Variants in UGT1A4 observed in about 807,000 individuals in gnomAD.
UGT1A4 encodes UDP-glucuronosyltransferase 1A4.
UGT1A4 carries 32 observed loss-of-function variants against 41.1 expected under a neutral mutation model. That is an observed-to-expected ratio of 0.78 (90% CI 0.59 to 1.05). UGT1A4 has a LOEUF of 1.05. Ranked by LOEUF, UGT1A4 falls within the 50% of genes least tolerant of loss-of-function variation. The pLI is 0.00. For missense variants in UGT1A4, 748 were observed against 677.4 expected, an observed-to-expected ratio of 1.10 and a Z score of -1.16; for synonymous variants, 283 against 265.1, an observed-to-expected ratio of 1.07 and a Z score of -0.66.
At chr2:233,747,007 G>A (rs1207556963) in intron 1 of UGT1A4, among the ~76,000 whole-genome samples, 1 of 151,856 alleles carries the variant, frequency 6.6e-6, no homozygotes, top group Non-Finnish European at 1.5e-5. Context: ...TTTCAAGTAG[G>A]AGTGATCGGT....
chr2:233,736,452 G>A (rs1396481734), intron 1 of UGT1A4, among the ~76,000 whole-genome samples: 6 of 152,126 alleles, frequency 3.9e-5, no homozygotes, highest in Non-Finnish European at 7.3e-5. Flanking sequence ...CAATAGGTTC[G>A]AACATGCACT....
rs1357071651 is a variant in UGT1A4, at chr2:233,768,553, A to G, written c.1307+114A>G. The G allele has an allele frequency of 2.0e-6, 3 of 1,477,264 alleles. No individual in the cohort carries two copies. The Admixed American group carries it at 8.1e-5, about 40-fold the overall frequency. 91.5% of individuals were successfully genotyped at this position (1,477,264 alleles called of 1,614,324 possible). A position where few individuals can be genotyped will look rare whatever the true frequency, so the allele number is the denominator to read the frequency against. On this transcript the variant is annotated intron_variant, in intron 4 of 4. Coordinates refer to ENST00000373409, the MANE Select transcript of UGT1A4 (RefSeq NM_007120.3). ...AGCGTTGTTTCAAATATAAAAACAA[A>G]TACATAAAAATCTGGATTTTTATTT...
chr2:233,719,178 G>T lies in UGT1A4; in HGVS notation c.358G>T (p.Val120Leu), dbSNP rs749190317. 40 of 1,614,238 alleles carry T rather than the reference G, an allele frequency of 2.5e-5. No homozygotes were observed. The South Asian group carries it at 4.2e-4, about 17-fold the overall frequency. ...TAGAAGTATGGCAATTATGAACAAT[G>T]TATCTTTGGCCCTTCATAGGTGTTG... is the stretch of plus-strand genomic sequence containing the variant. Reference protein sequence around the residue: ...YSRSMAIMNNVSLALHRCCVE... With the variant: ...YSRSMAIMNNLSLALHRCCVE... Residue 120 changes from valine to leucine, a missense_variant, in exon 1 of 5, where the codon GTA (valine) becomes TTA (leucine). Transcript: ENST00000373409.
At chr2:233,747,217 G>T in intron 1 of UGT1A4, 3 of 1,605,392 alleles carry the variant, frequency 1.9e-6, no homozygotes, top group Non-Finnish European at 1.7e-6. Flanking sequence ...TGCTGAGATG[G>T]CCACAGGACC....
chr2:233,729,818 A>G, intron 1 of UGT1A4: 1 of 1,613,812 alleles, frequency 6.2e-7, no homozygotes, highest in Non-Finnish European at 8.5e-7. Flanking sequence ...TCTGCTCCTT[A>G]TGCAAGCCTT....
chr2:233,743,984 C>T (rs1692627890), intron 1 of UGT1A4: 2 of 1,291,724 alleles, frequency 1.5e-6, no homozygotes, highest in South Asian at 1.3e-5. Context: ...CACCCAGGCG[C>T]AGGCCCGAGT....
At position 233,763,627 on chromosome 2, in the gene UGT1A4, G is replaced by A. The variant is rs1698360678; in HGVS notation, c.868-3407G>A. Among the ~76,000 whole-genome samples, 2 of 152,126 alleles carry A rather than the reference G, an allele frequency of 1.3e-5. 1 individual carries two copies. Among genetic ancestry groups the A allele is most frequent in the Admixed American group, 1.3e-4 (2 of 15,272 alleles). ...CACTCTGCACTACCATTCCTCTTGT[G>A]TTGATGGTCCTATTCTCAATACTCT... On this transcript the variant is annotated intron_variant, in intron 1 of 4. Transcript: ENST00000373409.
chr2:233,731,860 A>G (rs2078213759), intron 1 of UGT1A4, among the ~76,000 whole-genome samples: 1 of 152,222 alleles, frequency 6.6e-6, no homozygotes, highest in Non-Finnish European at 1.5e-5. Context: ...GAATCGCCAC[A>G]CTGTCTTCCA....
chr2:233,729,632 C>T, intron 1 of UGT1A4: 1 of 1,613,894 alleles, frequency 6.2e-7, no homozygotes, highest in Non-Finnish European at 8.5e-7. Flanking sequence ...TCGATTCCTA[C>T]TGTGTTTTTT....
At chr2:233,732,493 G>C (rs141356640) in intron 1 of UGT1A4, among the ~76,000 whole-genome samples, 2 of 152,178 alleles carry the variant, frequency 1.3e-5, no homozygotes, top group African/African-American at 4.8e-5. Context: ...TGTATAAGGC[G>C]TAAGGAAGGG....
chr2:233,725,057 C>T (rs1209231794), intron 1 of UGT1A4, among the ~76,000 whole-genome samples: 5 of 147,514 alleles, frequency 3.4e-5, no homozygotes, highest in East Asian at 4.2e-4. Flanking sequence ...CGTGGCGGCG[C>T]GCGCCTGCAA....
chr2:233,729,130 G>A, intron 1 of UGT1A4: 3 of 1,613,182 alleles, frequency 1.9e-6, no homozygotes, highest in Non-Finnish European at 2.5e-6. Context: ...TGCTGAGATG[G>A]CCACAGGACT....
At chr2:233,749,234 A>T (rs1694147769) in intron 1 of UGT1A4, among the ~76,000 whole-genome samples, 1 of 151,936 alleles carries the variant, frequency 6.6e-6, no homozygotes, top group Admixed American at 6.5e-5. Flanking sequence ...CATTTTTTAA[A>T]ATCAAACCAC....
chr2:233,760,609 C>T lies in UGT1A4; in HGVS notation c.868-6425C>T, dbSNP rs587784538. 50 of 1,614,060 alleles carry T rather than the reference C, an allele frequency of 3.1e-5. 1 individual carries two copies. The South Asian group carries it at 3.7e-4, about 12-fold the overall frequency. On this transcript the variant is annotated intron_variant, in intron 1 of 4. Transcript: ENST00000373409. Reference sequence around the variant, plus strand: ...TTTTGAGAATGATTCTTTCCTGCAGCGTGTGATCAAAACATACAAGAAAAT... The same window carrying T: ...TTTTGAGAATGATTCTTTCCTGCAGTGTGTGATCAAAACATACAAGAAAAT...
chr2:233,760,170 G>C (rs1168690539), intron 1 of UGT1A4: 1 of 1,531,450 alleles, frequency 6.5e-7, no homozygotes, highest in Non-Finnish European at 8.8e-7. Context: ...TTTGTGGACT[G>C]ACAGCTTTTT....
intron 1 of UGT1A4, chr2:233,760,931 T>C (rs1360622092): frequency 4.3e-6 from 7 of 1,614,090 alleles, no homozygotes; most frequent in South Asian, 2.2e-5. Flanking sequence ...AACATGCTCA[T>C]TGCCTTTTCA....
At chr2:233,765,305 A>G (rs777427074) in intron 1 of UGT1A4, among the ~76,000 whole-genome samples, 9 of 152,220 alleles carry the variant, frequency 5.9e-5, no homozygotes, top group Admixed American at 1.3e-4. Flanking sequence ...ACACATGCAC[A>G]TATTTGTTTA....
intron 1 of UGT1A4, among the ~76,000 whole-genome samples, chr2:233,763,590 A>T (rs772976697): frequency 6.6e-6 from 1 of 152,156 alleles, no homozygotes; most frequent in East Asian, 1.9e-4. Context: ...TTCCTTTGTT[A>T]ACTAAAAATG....
rs949471199 is a variant in UGT1A4, at chr2:233,747,414, C to T, written c.868-19620C>T. Reference sequence around the variant, plus strand: ...GGTCCTCACCCCAGAGGTGAATATGCACATCAAACAAGAGAAATTTTTCAC... The same window carrying T: ...GGTCCTCACCCCAGAGGTGAATATGTACATCAAACAAGAGAAATTTTTCAC... On this transcript the variant is annotated intron_variant, in intron 1 of 4. Transcript: ENST00000373409. 5.6e-6 allele frequency: 9 copies of T among 1,606,904 alleles called. No individual in the cohort carries two copies. In the Admixed American group the frequency reaches 6.7e-5, roughly 12 times the overall value.
Sources: gnomAD v4.1 joint callset for allele counts (sites outside exome capture counted in the v4.1 genomes callset) on GRCh38, gnomAD v4.1.1 for gene constraint, MANE v1.5 for transcripts, NCBI Gene and HGNC (gene_info 2026-07-23, HGNC 2026-07-21) for gene names.